The following TNR variants were observed in gnomAD, a reference collection of about 807,000 sequenced individuals.
The protein encoded by TNR is tenascin R.
In TNR, 45 loss-of-function variants were observed where a neutral mutation model predicts 150.4. The ratio of observed to expected loss-of-function variants is 0.30; its 90% CI spans 0.24 to 0.38. The LOEUF (loss-of-function observed/expected upper bound fraction) is 0.38, where lower values mean the gene tolerates loss of function less well. TNR is among the 10% of genes least tolerant of loss of function. The probability of loss-of-function intolerance (pLI) is 1.00; values close to 1 mark genes in which losing one functional copy is unlikely to be tolerated. For missense variants in TNR, 1,544 were observed against 1,759.1 expected (o/e 0.88, Z 2.19); for synonymous variants, 687 against 678.4 (o/e 1.01, Z -0.20).
At chr1:175,741,576 A>G (rs1206774530) in intron 1 of TNR, among the ~76,000 whole-genome samples, 3 of 152,116 alleles carry the variant, frequency 2.0e-5, no homozygotes, top group Non-Finnish European at 2.9e-5. Context: ...GCATTTGTCT[A>G]TTTCAGTCTT....
Position 175,406,318 on chromosome 1 carries a change from C to T in TNR, c.397G>A (p.Val133Met), listed in dbSNP as rs1202439078. ...KACPCASSAQ[V>M]LQELLSRIEM... is the part of the protein sequence containing the mutation. ...ATCCGGCTCAGCAGCTCCTGCAGCACCTGGGCTGAACTGGCACATGGACAG... is the reference window on the plus strand; with the variant it reads ...ATCCGGCTCAGCAGCTCCTGCAGCATCTGGGCTGAACTGGCACATGGACAG... Residue 133 changes from valine to methionine, a missense_variant, in exon 3 of 23, where the codon GTG (valine) becomes ATG (methionine). Transcript: ENST00000367674. 7 of 1,614,014 alleles carry T rather than the reference C, an allele frequency of 4.3e-6. No homozygotes were observed. The highest frequency in any genetic ancestry group is 1.1e-5 in the South Asian group (1 of 91,082).
At chr1:175,615,409 G>C (rs1368991816) in intron 1 of TNR, among the ~76,000 whole-genome samples, 1 of 152,310 alleles carries the variant, frequency 6.6e-6, no homozygotes, top group East Asian at 1.9e-4. Context: ...ATTGGGAGAG[G>C]AGGGATCAGG....
chr1:175,537,871 G>T (rs1434602696), intron 1 of TNR, among the ~76,000 whole-genome samples: 1 of 152,202 alleles, frequency 6.6e-6, no homozygotes, highest in Non-Finnish European at 1.5e-5. Context: ...GTTGGGTAAT[G>T]GTGCAGAACT....
At chr1:175,695,363 A>G (rs1408032099) in intron 1 of TNR, among the ~76,000 whole-genome samples, 3 of 151,900 alleles carry the variant, frequency 2.0e-5, no homozygotes, top group Non-Finnish European at 2.9e-5. Flanking sequence ...AGCTCTTGCC[A>G]GTGTCTTTAC....
At chr1:175,517,595 G>A (rs1441601636) in intron 2 of TNR, among the ~76,000 whole-genome samples, 1 of 152,180 alleles carries the variant, frequency 6.6e-6, no homozygotes, top group Non-Finnish European at 1.5e-5. Flanking sequence ...AGTCCCCAAT[G>A]GATAGAATTG....
At chr1:175,502,676 A>T (rs1333963594) in intron 2 of TNR, among the ~76,000 whole-genome samples, 1 of 152,166 alleles carries the variant, frequency 6.6e-6, no homozygotes, top group Non-Finnish European at 1.5e-5. Flanking sequence ...TTCCAGGAAA[A>T]CCAGTCTAAA....
chr1:175,517,012 TGAGAGAGAGAGAGAGAGAGAGAGA>T (rs58416273), intron 2 of TNR, among the ~76,000 whole-genome samples: 1 of 120,348 alleles, frequency 8.3e-6, no homozygotes, highest in African/African-American at 3.1e-5. Flanking sequence ...ATCTGAAAGC[TGAGAGAGAGAGAGAGAGAGAGAGA>T]GAGAGAGAGA....
At chr1:175,634,480 C>G (rs1224990524) in intron 1 of TNR, among the ~76,000 whole-genome samples, 1 of 152,188 alleles carries the variant, frequency 6.6e-6, no homozygotes, top group African/African-American at 2.4e-5. Context: ...GTCTGACTAT[C>G]TCAGATGAGT....
chr1:175,374,889 C>T (rs919155538), intron 9 of TNR, among the ~76,000 whole-genome samples: 11 of 152,190 alleles, frequency 7.2e-5, no homozygotes, highest in South Asian at 2.1e-4. Context: ...AGAATCCTTA[C>T]GGATCCTAAG....
intron 2 of TNR, among the ~76,000 whole-genome samples, chr1:175,446,332 C>G (rs1350818727): frequency 1.3e-5 from 2 of 152,184 alleles, no homozygotes; most frequent in Non-Finnish European, 2.9e-5. Context: ...AAGCGGGGCT[C>G]TGTCACATCT....
At chr1:175,657,245 G>C (rs898141512) in intron 1 of TNR, among the ~76,000 whole-genome samples, 6 of 152,172 alleles carry the variant, frequency 3.9e-5, no homozygotes, top group African/African-American at 1.4e-4. Context: ...AGTTAGAATG[G>C]TGATCATTAA....
intron 2 of TNR, among the ~76,000 whole-genome samples, chr1:175,443,275 T>G (rs1655876564): frequency 6.6e-6 from 1 of 152,208 alleles, no homozygotes. Flanking sequence ...TGCCATCTTA[T>G]TTTAATTTGA....
intron 1 of TNR, among the ~76,000 whole-genome samples, chr1:175,532,083 C>G (rs888741294): frequency 6.6e-6 from 1 of 152,242 alleles, no homozygotes; most frequent in Admixed American, 6.5e-5. Context: ...AGATTTCAGA[C>G]TTCACAGTAA....
At chr1:175,495,151 G>A (rs985541646) in intron 2 of TNR, among the ~76,000 whole-genome samples, 1 of 152,126 alleles carries the variant, frequency 6.6e-6, no homozygotes, top group African/African-American at 2.4e-5. Context: ...GTGAAGAGAC[G>A]AGTTGTCCTC....
chr1:175,402,488 G>A (rs968610856), intron 4 of TNR, among the ~76,000 whole-genome samples: 7 of 152,000 alleles, frequency 4.6e-5, no homozygotes, highest in Non-Finnish European at 1.5e-5. Context: ...CTGGAACAAA[G>A]TGAGTCATAC....
chr1:175,507,415 A>G (rs755831409), intron 2 of TNR, among the ~76,000 whole-genome samples: 5 of 152,128 alleles, frequency 3.3e-5, no homozygotes, highest in Non-Finnish European at 7.3e-5. Flanking sequence ...ATGATAACTG[A>G]ACACTCCTAT....
chr1:175,676,666 GA>G (rs1184686088), intron 1 of TNR, among the ~76,000 whole-genome samples: 1 of 152,148 alleles, frequency 6.6e-6, no homozygotes, highest in Non-Finnish European at 1.5e-5. Flanking sequence ...GCCAGAAAGG[GA>G]AAAAATCCTA....
chr1:175,699,768 G>T (rs1441293606), intron 1 of TNR, among the ~76,000 whole-genome samples: 1 of 152,086 alleles, frequency 6.6e-6, no homozygotes, highest in Admixed American at 6.5e-5. Context: ...AAAGGTTCAA[G>T]GGTATGAGTA....
At chr1:175,649,354 T>A (rs1664888335) in intron 1 of TNR, among the ~76,000 whole-genome samples, 1 of 152,224 alleles carries the variant, frequency 6.6e-6, no homozygotes, top group Non-Finnish European at 1.5e-5. Flanking sequence ...AACCCCTGCC[T>A]GCAGTTACTT....
Sources: allele counts gnomAD v4.1 joint callset (sites outside exome capture counted in the v4.1 genomes callset), GRCh38; gene constraint gnomAD v4.1.1; transcripts MANE v1.5; gene names NCBI Gene and HGNC (gene_info 2026-07-23, HGNC 2026-07-21).